The following DTNA variants were observed in gnomAD, a reference collection of about 807,000 sequenced individuals.
DTNA encodes dystrobrevin alpha.
A neutral mutation model predicts 100.7 loss-of-function variants in DTNA; 43 were observed. That is an observed-to-expected ratio of 0.43 (90% CI 0.33 to 0.55). DTNA has a LOEUF of 0.55. Ranked by LOEUF, DTNA falls within the 20% of genes least tolerant of loss-of-function variation. The probability of loss-of-function intolerance (pLI) is 0.04; values close to 1 mark genes in which losing one functional copy is unlikely to be tolerated. For missense variants in DTNA, 798 were observed against 953.9 expected (o/e 0.84, Z 2.15); for synonymous variants, 349 against 347.9 (o/e 1.00, Z -0.04).
At chr18:34,599,968 G>A (rs978079957) in intron 1 of DTNA, among the ~76,000 whole-genome samples, 7 of 152,096 alleles carry the variant, frequency 4.6e-5, no homozygotes, top group Non-Finnish European at 8.8e-5. Flanking sequence ...GTGAGCCACC[G>A]TGTCCAGCCA....
At chr18:34,580,254 A>G (rs998583087) in intron 1 of DTNA, among the ~76,000 whole-genome samples, 3 of 152,048 alleles carry the variant, frequency 2.0e-5, no homozygotes, top group African/African-American at 4.8e-5. Flanking sequence ...TAACATATCT[A>G]TCATAATTTT....
intron 1 of DTNA, among the ~76,000 whole-genome samples, chr18:34,644,138 C>T (rs2059587980): frequency 1.3e-5 from 2 of 152,178 alleles, no homozygotes; most frequent in East Asian, 1.9e-4. Flanking sequence ...CTCACCAGAT[C>T]GTGGCCCACT....
At chr18:34,735,213 C>G (rs1319949707) in intron 1 of DTNA, among the ~76,000 whole-genome samples, 1 of 152,150 alleles carries the variant, frequency 6.6e-6, no homozygotes, top group African/African-American at 2.4e-5. Context: ...GAGGCTAGGA[C>G]AGTCTCTCCT....
intron 1 of DTNA, among the ~76,000 whole-genome samples, chr18:34,665,693 G>A (rs914519454): frequency 1.2e-4 from 19 of 152,026 alleles, no homozygotes; most frequent in African/African-American, 3.9e-4. Context: ...TTGTCCTTGC[G>A]ATAGTTTGCT....
rs576384747 is a variant in DTNA at position 34,676,562 on chromosome 18, G to A, written c.-1-79414G>A. 2.8e-3 allele frequency among the ~76,000 whole-genome samples: 422 copies of A among 152,260 alleles called. 1 individual carries two copies. The highest frequency in any genetic ancestry group is 4.3e-3 in the Non-Finnish European group (291 of 68,022). ...CTTAAAGAGAGAAGGGGCCAGGCAC[G>A]GTGGTTCAATGCCTGTAATCCCAGC... On this transcript the variant is annotated intron_variant, in intron 1 of 19. Transcript: ENST00000283365.
At chr18:34,542,634 A>G (rs2044356003) in intron 1 of DTNA, among the ~76,000 whole-genome samples, 1 of 152,052 alleles carries the variant, frequency 6.6e-6, no homozygotes, top group Non-Finnish European at 1.5e-5. Flanking sequence ...AGAAATGTCC[A>G]GAGACTAGAG....
intron 1 of DTNA, among the ~76,000 whole-genome samples, chr18:34,622,692 T>C (rs1179955599): frequency 6.6e-6 from 1 of 152,208 alleles, no homozygotes; most frequent in African/African-American, 2.4e-5. Flanking sequence ...CTTCCTTTCC[T>C]GTCCTTGGAC....
intron 1 of DTNA, among the ~76,000 whole-genome samples, chr18:34,711,271 G>A (rs2082855721): frequency 6.6e-6 from 1 of 152,156 alleles, no homozygotes; most frequent in Middle Eastern, 3.2e-3. Flanking sequence ...GGTACACACA[G>A]AGCAAGTTAA....
At chr18:34,500,558 G>A (rs955348178) in intron 1 of DTNA, among the ~76,000 whole-genome samples, 3 of 151,344 alleles carry the variant, frequency 2.0e-5, no homozygotes, top group Admixed American at 6.6e-5. Flanking sequence ...CCGCCTCCCC[G>A]ATTCAAGCAG....
intron 9 of DTNA, among the ~76,000 whole-genome samples, chr18:34,824,226 A>G (rs2095797098): frequency 6.6e-6 from 1 of 152,228 alleles, no homozygotes; most frequent in African/African-American, 2.4e-5. Context: ...CTGTAATCCC[A>G]GCACTTGGGG....
At chr18:34,519,302 T>C (rs950756592) in intron 1 of DTNA, among the ~76,000 whole-genome samples, 2 of 152,166 alleles carry the variant, frequency 1.3e-5, no homozygotes, top group African/African-American at 4.8e-5. Context: ...AAAGATGTTA[T>C]AAATTTAGGT....
chr18:34,829,316 T>G, intron 10 of DTNA, 84 bp from the exon 11 acceptor site: 1 of 1,526,752 alleles, frequency 6.5e-7, no homozygotes, highest in Non-Finnish European at 8.8e-7. Context: ...TAAAGCTGTG[T>G]ACACTAAATG....
At chr18:34,869,604 G>A (rs1603306896) in intron 17 of DTNA, among the ~76,000 whole-genome samples, 1 of 152,174 alleles carries the variant, frequency 6.6e-6, no homozygotes. Context: ...ACAGTGAAGG[G>A]CTGCCAGTAA....
chr18:34,746,790 A>T (rs1279706501), intron 1 of DTNA, among the ~76,000 whole-genome samples: 3 of 152,136 alleles, frequency 2.0e-5, no homozygotes, highest in Non-Finnish European at 2.9e-5. Context: ...CACCCATGCC[A>T]ATCTGCTCCC....
intron 9 of DTNA, 51 bp from the exon 10 acceptor site, chr18:34,827,542 T>G (rs932680580): frequency 2.5e-6 from 4 of 1,574,126 alleles, no homozygotes; most frequent in Non-Finnish European, 3.5e-6. Context: ...AGTTTTAAAT[T>G]TGTGACTTTT....
At chr18:34,579,606 C>T (rs1169342107) in intron 1 of DTNA, among the ~76,000 whole-genome samples, 3 of 152,188 alleles carry the variant, frequency 2.0e-5, no homozygotes, top group Admixed American at 6.5e-5. Context: ...ATTGCATCGT[C>T]TTAAGGCAGT....
At chr18:34,613,315 T>C (rs1644733106) in intron 1 of DTNA, among the ~76,000 whole-genome samples, 1 of 152,192 alleles carries the variant, frequency 6.6e-6, no homozygotes, top group Non-Finnish European at 1.5e-5. Context: ...CACAGTAATG[T>C]TGAAATTAGG....
chr18:34,777,420 T>C (rs1419656938), intron 3 of DTNA, among the ~76,000 whole-genome samples: 1 of 152,202 alleles, frequency 6.6e-6, no homozygotes, highest in Non-Finnish European at 1.5e-5. Context: ...TGACATTAAG[T>C]TGTATTTCAG....
At chr18:34,504,022 T>A (rs1342962132) in intron 1 of DTNA, 1 of 151,852 alleles carries the variant, frequency 6.6e-6, no homozygotes, top group Non-Finnish European at 1.5e-5. Flanking sequence ...TTTCTTTCTT[T>A]TTTTTTTGTA....
Sources: gnomAD v4.1 joint callset for allele counts (sites outside exome capture counted in the v4.1 genomes callset) on GRCh38, gnomAD v4.1.1 for gene constraint, MANE v1.5 for transcripts, NCBI Gene and HGNC (gene_info 2026-07-23, HGNC 2026-07-21) for gene names.